The following CADM2 variants were observed in gnomAD, a reference collection of about 807,000 sequenced individuals.
CADM2 encodes immunoglobulin superfamily member 4D.
In CADM2, 12 loss-of-function variants were observed where a neutral mutation model predicts 49.8. The ratio of observed to expected loss-of-function variants is 0.24; its 90% confidence interval spans 0.15 to 0.39. The LOEUF (loss-of-function observed/expected upper bound fraction) is 0.39. Among genes scored for constraint, CADM2 ranks in the 10% least tolerant of loss-of-function variants. The pLI is 1.00. For missense variants in CADM2, 378 were observed against 492.3 expected (o/e 0.77, Z 2.20); for synonymous variants, 214 against 175.4 (o/e 1.22, Z -1.74).
intron 1 of CADM2, among the ~76,000 whole-genome samples, chr3:85,662,334 C>T (rs1277365602): frequency 6.7e-6 from 1 of 150,140 alleles, no homozygotes; most frequent in Non-Finnish European, 1.5e-5. Context: ...CTTAGGAATT[C>T]ATCTCTTCTG....
At chr3:85,739,544 G>T (rs1466110501) in intron 2 of CADM2, among the ~76,000 whole-genome samples, 3 of 151,940 alleles carry the variant, frequency 2.0e-5, no homozygotes, top group Non-Finnish European at 2.9e-5. Flanking sequence ...AACTTAAGGG[G>T]AATAATAATG....
chr3:85,258,771 A>AGGTAAATGT, intron 1 of CADM2, among the ~76,000 whole-genome samples: 1 of 152,240 alleles, frequency 6.6e-6, no homozygotes, highest in South Asian at 2.1e-4. Flanking sequence ...TTAAATGATT[A>AGGTAAATGT]TGTTCCAGGT....
intron 7 of CADM2, among the ~76,000 whole-genome samples, chr3:85,959,885 T>A (rs756302725): frequency 1.4e-4 from 21 of 152,012 alleles, no homozygotes; most frequent in Non-Finnish European, 2.6e-4. Context: ...AATGACAAAA[T>A]CACTTAATAA....
chr3:85,433,057 A>G (rs935057043), intron 1 of CADM2, among the ~76,000 whole-genome samples: 2 of 152,112 alleles, frequency 1.3e-5, no homozygotes, highest in African/African-American at 2.4e-5. Context: ...AGTATGAAGT[A>G]TTTAAGAATT....
At chr3:85,671,866 T>C (rs1326703548) in intron 1 of CADM2, among the ~76,000 whole-genome samples, 1 of 152,202 alleles carries the variant, frequency 6.6e-6, no homozygotes, top group East Asian at 1.9e-4. Flanking sequence ...TATTTCTTTT[T>C]CATAGGCCTT....
At position 85,054,767 on chromosome 3, in the gene CADM2, C is replaced by T. The variant is rs914731745; in HGVS notation, c.61+95099C>T. On this transcript the variant is annotated intron_variant, in intron 1 of 9. Coordinates refer to ENST00000383699, the MANE Select transcript of CADM2 (RefSeq NM_001167675.2). ...ACATAGACTTTAACTTGGTGAAGGACGTGCAAGTACTCTGGATGATAAATG... is the reference window on the plus strand; with the variant it reads ...ACATAGACTTTAACTTGGTGAAGGATGTGCAAGTACTCTGGATGATAAATG... Among the ~76,000 whole-genome samples, 11 of 151,830 alleles carry T rather than the reference C, an allele frequency of 7.2e-5. 1 individual carries two copies. Among genetic ancestry groups the T allele is most frequent in the African/African-American group, 2.4e-4 (10 of 41,392 alleles).
At chr3:85,912,167 G>A (rs555335434) in intron 5 of CADM2, among the ~76,000 whole-genome samples, 6 of 151,840 alleles carry the variant, frequency 4.0e-5, no homozygotes, top group Non-Finnish European at 7.4e-5. Context: ...GGATGGTCTC[G>A]ATCTCCTGAC....
chr3:85,001,504 T>G (rs1393640723), intron 1 of CADM2, among the ~76,000 whole-genome samples: 1 of 152,076 alleles, frequency 6.6e-6, no homozygotes, highest in Non-Finnish European at 1.5e-5. Context: ...AACAAAATCT[T>G]TTTTAAAAAA....
chr3:85,224,887 G>A (rs1403194286), intron 1 of CADM2, among the ~76,000 whole-genome samples: 1 of 152,018 alleles, frequency 6.6e-6, no homozygotes, highest in Non-Finnish European at 1.5e-5. Context: ...TTTTTGTCAG[G>A]TTTGTCAAAG....
chr3:85,165,530 A>G (rs1316285744), intron 1 of CADM2, among the ~76,000 whole-genome samples: 1 of 151,874 alleles, frequency 6.6e-6, no homozygotes, highest in Admixed American at 6.6e-5. Flanking sequence ...AAGGGTTTAC[A>G]TTTTTAATAT....
chr3:85,695,743 G>A (rs1189541692), intron 1 of CADM2, among the ~76,000 whole-genome samples: 2 of 151,982 alleles, frequency 1.3e-5, no homozygotes, highest in Non-Finnish European at 2.9e-5. Context: ...TCTTTTTGAT[G>A]TAATGACTTT....
At chr3:85,878,344 C>A (rs1371205904) in intron 3 of CADM2, among the ~76,000 whole-genome samples, 1 of 152,078 alleles carries the variant, frequency 6.6e-6, no homozygotes, top group East Asian at 1.9e-4. Flanking sequence ...TATGATTAAA[C>A]TATAATGAAG....
intron 3 of CADM2, among the ~76,000 whole-genome samples, chr3:85,859,150 T>C (rs1200796003): frequency 1.3e-5 from 2 of 152,032 alleles, no homozygotes; most frequent in African/African-American, 4.8e-5. Context: ...CCTATTGTCA[T>C]TTTAGTATTT....
At chr3:85,347,223 C>CA (rs11331703) in intron 1 of CADM2, among the ~76,000 whole-genome samples, 1,626 of 46,234 alleles carry the variant, frequency 0.035, 193 homozygotes, top group African/African-American at 0.14. Flanking sequence ...CTCTGTCTCA[C>CA]AAAAAAAAAA....
chr3:86,006,853 C>T (rs1185083676), intron 8 of CADM2, among the ~76,000 whole-genome samples: 4 of 151,872 alleles, frequency 2.6e-5, no homozygotes, highest in Non-Finnish European at 5.9e-5. Flanking sequence ...CAAGCCTGGC[C>T]AACATGGTGA....
At chr3:85,251,529 A>G (rs1393816964) in intron 1 of CADM2, among the ~76,000 whole-genome samples, 1 of 152,040 alleles carries the variant, frequency 6.6e-6, no homozygotes. Flanking sequence ...CCTAAGCTGA[A>G]TATGAAAATA....
intron 1 of CADM2, among the ~76,000 whole-genome samples, chr3:85,408,007 A>G (rs1311587070): frequency 1.0e-4 from 8 of 78,742 alleles, no homozygotes; most frequent in African/African-American, 2.8e-4. Flanking sequence ...AACAAAACAA[A>G]ACCAAAAAAA....
At chr3:85,322,690 T>C (rs1039879944) in intron 1 of CADM2, among the ~76,000 whole-genome samples, 1 of 152,232 alleles carries the variant, frequency 6.6e-6, no homozygotes, top group Non-Finnish European at 1.5e-5. Flanking sequence ...TTTTAAAAAT[T>C]ATTTTTCTTT....
intron 1 of CADM2, among the ~76,000 whole-genome samples, chr3:85,234,822 CCT>C (rs536898962): frequency 2.4e-3 from 372 of 152,098 alleles, no homozygotes; most frequent in African/African-American, 7.6e-3. Flanking sequence ...ATGTTAACAC[CCT>C]GTTAACTCCA....
Sources: allele counts gnomAD v4.1 joint callset (sites outside exome capture counted in the v4.1 genomes callset), GRCh38; gene constraint gnomAD v4.1.1; transcripts MANE v1.5; gene names NCBI Gene and HGNC (gene_info 2026-07-23, HGNC 2026-07-21).